The following FERRY3 variants were observed in gnomAD, a reference collection of about 807,000 sequenced individuals.
The protein encoded by FERRY3 is FERRY endosomal RAB5 effector complex subunit 3, also known as protein C12orf4.
At chr12:4,491,185 C>T in the FERRY3 span, 55 of 1,613,150 alleles carry the variant, frequency 3.4e-5, no homozygotes, top group Non-Finnish European at 4.6e-5. Context: ...ACCTTTGACA[C>T]ACTTGAACAC....
the FERRY3 span, among the ~76,000 whole-genome samples, chr12:4,512,667 A>G: frequency 6.1e-5 from 9 of 148,462 alleles, no homozygotes; most frequent in Non-Finnish European, 1.3e-4. Flanking sequence ...AGATGCAGAA[A>G]AAGCCTTTGA....
the FERRY3 span, among the ~76,000 whole-genome samples, chr12:4,498,720 CCA>C: frequency 6.6e-6 from 1 of 152,132 alleles, no homozygotes; most frequent in Non-Finnish European, 1.5e-5. Flanking sequence ...GTCAATTTTT[CCA>C]CAGACTGGAG....
chr12:4,520,966 A>G, the FERRY3 span, among the ~76,000 whole-genome samples: 1 of 152,236 alleles, frequency 6.6e-6, no homozygotes, highest in Non-Finnish European at 1.5e-5. Context: ...TAAGATGTAC[A>G]CAACCTTCAC....
the FERRY3 span, among the ~76,000 whole-genome samples, chr12:4,514,278 C>T: frequency 1.3e-5 from 2 of 150,408 alleles, no homozygotes; most frequent in East Asian, 1.9e-4. Flanking sequence ...GAAATAGGAA[C>T]ACTTTTACAC....
the FERRY3 span, among the ~76,000 whole-genome samples, chr12:4,509,536 C>T: frequency 9.4e-5 from 14 of 149,092 alleles, no homozygotes; most frequent in Middle Eastern, 3.4e-3. Context: ...TCTCCCAGCA[C>T]GCGGCTGGAG....
chr12:4,492,958 T>C, the FERRY3 span, among the ~76,000 whole-genome samples: 3 of 152,206 alleles, frequency 2.0e-5, no homozygotes, highest in African/African-American at 7.2e-5. Flanking sequence ...TCTGCTCACA[T>C]TTGCCTAAAC....
chr12:4,525,303 C>T, the FERRY3 span: 1 of 1,613,462 alleles, frequency 6.2e-7, no homozygotes, highest in South Asian at 1.1e-5. Context: ...AGTTTTATTA[C>T]CCATTCTTGA....
the FERRY3 span, among the ~76,000 whole-genome samples, chr12:4,526,898 A>G: frequency 6.6e-6 from 1 of 152,116 alleles, no homozygotes; most frequent in African/African-American, 2.4e-5. Context: ...AGATATATAT[A>G]TATGATAAAT....
chr12:4,515,620 G>C, the FERRY3 span, among the ~76,000 whole-genome samples: 1 of 152,026 alleles, frequency 6.6e-6, no homozygotes, highest in Non-Finnish European at 1.5e-5. Flanking sequence ...AACTCACACT[G>C]ATAGAGTAGA....
At chr12:4,515,274 G>T in the FERRY3 span, among the ~76,000 whole-genome samples, 2 of 152,044 alleles carry the variant, frequency 1.3e-5, no homozygotes, top group Non-Finnish European at 2.9e-5. Flanking sequence ...CAGGATGGAG[G>T]TTTCTTAAAA....
the FERRY3 span, among the ~76,000 whole-genome samples, chr12:4,503,101 G>C: frequency 6.6e-6 from 1 of 152,174 alleles, no homozygotes; most frequent in South Asian, 2.1e-4. Context: ...CATGATCCAG[G>C]AGTGTAGCAG....
chr12:4,500,014 A>G, the FERRY3 span: 1 of 851,998 alleles, frequency 1.2e-6, no homozygotes, highest in Non-Finnish European at 1.8e-6. Flanking sequence ...TACTAACCAG[A>G]TCGGAGATGC....
chr12:4,496,575 T>G, the FERRY3 span, among the ~76,000 whole-genome samples: 4 of 151,572 alleles, frequency 2.6e-5, no homozygotes, highest in African/African-American at 4.9e-5. Context: ...ACACTTTAGA[T>G]GACATGTGCA....
the FERRY3 span, chr12:4,536,189 C>A: frequency 6.4e-7 from 1 of 1,564,316 alleles, no homozygotes; most frequent in Non-Finnish European, 8.7e-7. Flanking sequence ...CTCTGTTTTT[C>A]TTCATATTCT....
the FERRY3 span, among the ~76,000 whole-genome samples, chr12:4,521,271 A>G: frequency 1.3e-5 from 2 of 152,188 alleles, no homozygotes; most frequent in Non-Finnish European, 2.9e-5. Flanking sequence ...AGGCAGGAGA[A>G]TTGCTTGAAC....
the FERRY3 span, among the ~76,000 whole-genome samples, chr12:4,516,552 C>G: frequency 2.0e-5 from 3 of 152,298 alleles, no homozygotes; most frequent in East Asian, 5.8e-4. Context: ...GAGATCATAT[C>G]CTTTGCAGGG....
At chr12:4,512,543 T>A in the FERRY3 span, among the ~76,000 whole-genome samples, 2,016 of 151,598 alleles carry the variant, frequency 0.013, 22 homozygotes, top group African/African-American at 0.046. Flanking sequence ...TTATCCACCA[T>A]GATCAAGTGG....
At chr12:4,527,260 CAG>C in the FERRY3 span, among the ~76,000 whole-genome samples, 4 of 151,978 alleles carry the variant, frequency 2.6e-5, no homozygotes, top group African/African-American at 7.3e-5. Context: ...AAAAGACAGA[CAG>C]AAATTCAACA....
chr12:4,509,657 G>C, the FERRY3 span, among the ~76,000 whole-genome samples: 4 of 143,538 alleles, frequency 2.8e-5, no homozygotes, highest in Admixed American at 2.0e-4. Flanking sequence ...TCACACGGCA[G>C]GGTATTCCAA....
Sources: gnomAD v4.1 joint callset for allele counts (sites outside exome capture counted in the v4.1 genomes callset) on GRCh38, gnomAD v4.1.1 for gene constraint, MANE v1.5 for transcripts, NCBI Gene and HGNC (gene_info 2026-07-23, HGNC 2026-07-21) for gene names.